ERBB4: variants seen among roughly 807,000 people sequenced by gnomAD.
ERBB4 encodes receptor tyrosine-protein kinase erbB-4.
A neutral mutation model predicts 158.0 loss-of-function variants in ERBB4; 42 were observed. The ratio of observed to expected loss-of-function variants is 0.27; its 90% confidence interval spans 0.21 to 0.34. ERBB4 has a LOEUF of 0.34. Ranked by LOEUF, ERBB4 falls within the 10% of genes least tolerant of loss-of-function variation. ERBB4 has a pLI of 1.00. For synonymous variants in ERBB4, 583 were observed against 558.7 expected, an observed-to-expected ratio of 1.04 and a Z score of -0.61; for missense variants, 1,333 against 1,624.1, an observed-to-expected ratio of 0.82 and a Z score of 3.08.
chr2:211,588,695 C>G (rs2068366225), intron 19 of ERBB4, among the ~76,000 whole-genome samples: 1 of 152,052 alleles, frequency 6.6e-6, no homozygotes, highest in Non-Finnish European at 1.5e-5. Flanking sequence ...AGTAGTGGAG[C>G]TGAAATTCTA....
rs78455714 is a variant in ERBB4, at chr2:212,504,309, T to C, written c.82+34140A>G. ...TTTATTTATTAAATTGTATTTATTT[T>C]CTTCTACATTAAGTCCTTAACTCAA... is the stretch of plus-strand genomic sequence containing the variant. On this transcript the variant is annotated intron_variant, in intron 1 of 27. Transcript: ENST00000342788. Among the ~76,000 whole-genome samples the C allele has an allele frequency of 7.2e-5, 11 of 152,266 alleles. No individual in the cohort carries two copies. The East Asian group carries it at 2.1e-3, about 29-fold the overall frequency.
At chr2:212,340,501 G>T (rs972306309) in intron 1 of ERBB4, among the ~76,000 whole-genome samples, 5 of 152,172 alleles carry the variant, frequency 3.3e-5, no homozygotes, top group Non-Finnish European at 4.4e-5. Context: ...TCCCATCTGG[G>T]GGTGATGATA....
intron 4 of ERBB4, among the ~76,000 whole-genome samples, chr2:211,780,401 TG>T (rs2076005801): frequency 6.6e-6 from 1 of 152,048 alleles, no homozygotes; most frequent in Admixed American, 6.5e-5. Context: ...AAAATAAAGA[TG>T]TATATTGAAA....
chr2:212,225,492 G>C (rs1206293668), intron 1 of ERBB4, among the ~76,000 whole-genome samples: 2 of 137,216 alleles, frequency 1.5e-5, no homozygotes, highest in Non-Finnish European at 3.1e-5. Context: ...TCAAAAATAA[G>C]TTTGAATCAT....
At chr2:211,990,085 A>C (rs2082033663) in intron 2 of ERBB4, among the ~76,000 whole-genome samples, 1 of 151,984 alleles carries the variant, frequency 6.6e-6, no homozygotes, top group Admixed American at 6.6e-5. Context: ...ATGCTCATTA[A>C]CCCCTTCCTG....
rs528173628 is a variant in ERBB4, at chr2:212,379,373, A to G, written c.82+159076T>C. 5.9e-5 allele frequency among the ~76,000 whole-genome samples: 9 copies of G among 151,864 alleles called. No individual in the cohort carries two copies. In the East Asian group the frequency reaches 1.7e-3, roughly 29 times the overall value. On this transcript the variant is annotated intron_variant, in intron 1 of 27. Transcript: ENST00000342788. Reference sequence around the variant, plus strand: ...GAAAGAGCACAGCTATGTGAAGTTTAGAACAGCTCCTTTATTCAAATATCT... The same window carrying G: ...GAAAGAGCACAGCTATGTGAAGTTTGGAACAGCTCCTTTATTCAAATATCT...
At chr2:211,747,809 C>A (rs2075018068) in intron 5 of ERBB4, among the ~76,000 whole-genome samples, 1 of 151,558 alleles carries the variant, frequency 6.6e-6, no homozygotes, top group African/African-American at 2.4e-5. Flanking sequence ...TATTCACCAT[C>A]TATGTATATA....
chr2:211,749,526 T>G (rs2075067524), intron 5 of ERBB4, among the ~76,000 whole-genome samples: 1 of 152,236 alleles, frequency 6.6e-6, no homozygotes, highest in Non-Finnish European at 1.5e-5. Flanking sequence ...GGGAAGATAC[T>G]ATTTTACCTT....
intron 2 of ERBB4, among the ~76,000 whole-genome samples, chr2:211,993,630 T>TAA (rs534026275): frequency 6.7e-6 from 1 of 149,864 alleles, no homozygotes; most frequent in African/African-American, 2.4e-5. Context: ...TAAAGAAAAT[T>TAA]AAAAAAAAAC....
intron 1 of ERBB4, among the ~76,000 whole-genome samples, chr2:212,501,371 C>T (rs1243571487): frequency 6.6e-6 from 1 of 152,064 alleles, no homozygotes; most frequent in Non-Finnish European, 1.5e-5. Flanking sequence ...ACTGATGATA[C>T]TTCAGACAAG....
intron 4 of ERBB4, among the ~76,000 whole-genome samples, chr2:211,768,281 CT>C (rs1394323343): frequency 6.6e-6 from 1 of 152,210 alleles, no homozygotes; most frequent in Non-Finnish European, 1.5e-5. Flanking sequence ...TTCCTCCTGG[CT>C]GCTTTCAAGG....
intron 2 of ERBB4, among the ~76,000 whole-genome samples, chr2:212,066,480 C>T (rs1183219543): frequency 6.6e-6 from 1 of 151,922 alleles, no homozygotes; most frequent in Non-Finnish European, 1.5e-5. Flanking sequence ...CTAAAAGAAA[C>T]ATTGTCAAAG....
Position 211,494,555 on chromosome 2 carries a change from C to T in ERBB4, c.2488-63455G>A, listed in dbSNP as rs984929786. Among the ~76,000 whole-genome samples the T allele has an allele frequency of 6.6e-5, 10 of 152,036 alleles. No individual in the cohort carries two copies. In the East Asian group the frequency reaches 7.7e-4, roughly 12 times the overall value. On this transcript the variant is annotated intron_variant, in intron 20 of 27. Coordinates refer to ENST00000342788, the MANE Select transcript of ERBB4 (RefSeq NM_005235.3). ...TGTAACTGAGTTCTAGGCAGCTGCCCGTCTTTCTTTTCTTCTTGATATGCT... is the reference window on the plus strand; with the variant it reads ...TGTAACTGAGTTCTAGGCAGCTGCCTGTCTTTCTTTTCTTCTTGATATGCT...
At chr2:211,798,526 A>C (rs2076431167) in intron 3 of ERBB4, among the ~76,000 whole-genome samples, 1 of 152,156 alleles carries the variant, frequency 6.6e-6, no homozygotes, top group Non-Finnish European at 1.5e-5. Context: ...GGTTACAATG[A>C]GAAATACAGA....
At chr2:212,446,125 C>T (rs1347499442) in intron 1 of ERBB4, among the ~76,000 whole-genome samples, 2 of 151,908 alleles carry the variant, frequency 1.3e-5, no homozygotes, top group African/African-American at 2.4e-5. Flanking sequence ...TAATTATGAC[C>T]TTATTGTCTT....
intron 27 of ERBB4, 140 bp from the exon 28 acceptor site, chr2:211,384,200 T>G: frequency 1.5e-6 from 1 of 662,840 alleles, no homozygotes. Context: ...ACAACAAGTA[T>G]TTGTGGATCA....
chr2:211,854,965 A>C (rs914544624), intron 3 of ERBB4, among the ~76,000 whole-genome samples: 1 of 152,198 alleles, frequency 6.6e-6, no homozygotes, highest in Non-Finnish European at 1.5e-5. Context: ...GTACCAATTT[A>C]AACTCCCACC....
intron 18 of ERBB4, among the ~76,000 whole-genome samples, chr2:211,622,443 C>T (rs1199084203): frequency 1.3e-5 from 2 of 151,980 alleles, no homozygotes; most frequent in Admixed American, 6.6e-5. Context: ...TAGAAAACTT[C>T]TGCATTTTGA....
chr2:211,456,584 T>A (rs1335240868), intron 20 of ERBB4, among the ~76,000 whole-genome samples: 3 of 152,156 alleles, frequency 2.0e-5, no homozygotes, highest in African/African-American at 7.2e-5. Context: ...TATATACGTA[T>A]GCAAAATTTA....
Sources: allele counts gnomAD v4.1 joint callset (sites outside exome capture counted in the v4.1 genomes callset), GRCh38; gene constraint gnomAD v4.1.1; transcripts MANE v1.5; gene names NCBI Gene and HGNC (gene_info 2026-07-23, HGNC 2026-07-21).